Variants in STAG1 observed in about 807,000 individuals in gnomAD.
STAG1 encodes the protein STAG1 cohesin complex component.
Under a neutral mutation model 170.9 loss-of-function variants are expected in STAG1, and 26 were observed. The observed-to-expected ratio is 0.15, with a 90% CI of 0.11 to 0.21. STAG1 has a LOEUF of 0.21. Ranked by LOEUF, STAG1 falls within the 10% of genes least tolerant of loss-of-function variation. The pLI is 1.00. For synonymous variants in STAG1, 514 were observed against 497.7 expected (o/e 1.03, Z -0.44); for missense variants, 964 against 1,509.5 (o/e 0.64, Z 5.99).
At chr3:136,373,451 T>C (rs948752147) in intron 23 of STAG1, among the ~76,000 whole-genome samples, 1 of 152,216 alleles carries the variant, frequency 6.6e-6, no homozygotes, top group African/African-American at 2.4e-5. Context: ...ACGGTGTCAA[T>C]TTTAGATCTT....
intron 15 of STAG1, 122 bp from the exon 16 acceptor site, chr3:136,433,781 T>C: frequency 1.4e-6 from 1 of 696,086 alleles, no homozygotes; most frequent in Non-Finnish European, 2.4e-6. Flanking sequence ...AAGACTAAAG[T>C]TAAGCTCTGT....
At chr3:136,652,849 G>T (rs6439649) in intron 1 of STAG1, among the ~76,000 whole-genome samples, 97,252 of 152,070 alleles carry the variant, frequency 0.64, 33,655 homozygotes, top group African/African-American at 0.9. Flanking sequence ...AGATAAACTA[G>T]TTGTTGTGGA....
chr3:136,469,715 G>C (rs557583488), intron 12 of STAG1, among the ~76,000 whole-genome samples: 82 of 152,092 alleles, frequency 5.4e-4, no homozygotes, highest in African/African-American at 1.9e-3. Context: ...GGAGGCATCA[G>C]GCTATCTGAC....
At chr3:136,367,343 C>A (rs1937112875) in intron 24 of STAG1, among the ~76,000 whole-genome samples, 1 of 151,922 alleles carries the variant, frequency 6.6e-6, no homozygotes, top group South Asian at 2.1e-4. Flanking sequence ...GATAAGCAAA[C>A]CATGTATAGT....
chr3:136,338,982 T>C (rs911690179), intron 32 of STAG1, among the ~76,000 whole-genome samples: 1 of 152,160 alleles, frequency 6.6e-6, no homozygotes, highest in African/African-American at 2.4e-5. Context: ...AAAATGTGCA[T>C]GATGCTGAAG....
chr3:136,709,272 A>G (rs1291076305), intron 1 of STAG1, among the ~76,000 whole-genome samples: 3 of 150,344 alleles, frequency 2.0e-5, no homozygotes, highest in Non-Finnish European at 4.4e-5. Context: ...CCTGGGCGAC[A>G]GAGCGAGACT....
chr3:136,560,945 A>AT lies in STAG1; in HGVS notation c.394+7819dup, dbSNP rs970513795. 2.8e-3 allele frequency among the ~76,000 whole-genome samples: 408 copies of AT among 147,472 alleles called. 2 individuals carry two copies. The highest frequency in any genetic ancestry group is 8.7e-3 in the African/African-American group (350 of 40,378). On this transcript the variant is annotated intron_variant, in intron 5 of 33. Transcript: ENST00000383202. ...TTGGGTGGGGACGGGGCGAATTGTG[A>AT]TTTTTTTTTTTCCTGCCTTTCCTTG...
At chr3:136,396,683 A>G (rs1259581723) in intron 22 of STAG1, among the ~76,000 whole-genome samples, 1 of 149,874 alleles carries the variant, frequency 6.7e-6, no homozygotes, top group Non-Finnish European at 1.5e-5. Flanking sequence ...GCCTGCCACC[A>G]CACCCAGCTA....
At chr3:136,374,928 T>G (rs1339309966) in intron 23 of STAG1, among the ~76,000 whole-genome samples, 9 of 152,146 alleles carry the variant, frequency 5.9e-5, no homozygotes. Flanking sequence ...TTTTTAAATC[T>G]TTTATACTGT....
chr3:136,639,563 A>G (rs1333682903), intron 1 of STAG1, among the ~76,000 whole-genome samples: 2 of 152,256 alleles, frequency 1.3e-5, no homozygotes, highest in Admixed American at 1.3e-4. Context: ...AACAATAAAA[A>G]TATTCCAAAA....
intron 1 of STAG1, chr3:136,736,668 A>G (rs1333360717): frequency 6.2e-7 from 1 of 1,604,420 alleles, no homozygotes; most frequent in East Asian, 2.2e-5. Flanking sequence ...TTGAGCTTCA[A>G]TCTCTTCTCC....
At chr3:136,551,485 G>GC (rs1936402147) in intron 5 of STAG1, among the ~76,000 whole-genome samples, 2 of 122,342 alleles carry the variant, frequency 1.6e-5, no homozygotes, top group African/African-American at 6.4e-5. Context: ...TCTCTGTGTT[G>GC]CCCAGGCTAC....
intron 22 of STAG1, among the ~76,000 whole-genome samples, chr3:136,394,932 CT>C (rs2087109375): frequency 7.5e-6 from 1 of 133,722 alleles, no homozygotes; most frequent in Admixed American, 8.1e-5. Context: ...TAGCGAGACT[CT>C]GTCTCAAAAA....
At chr3:136,711,837 CA>C (rs1943389638) in intron 1 of STAG1, among the ~76,000 whole-genome samples, 1 of 152,018 alleles carries the variant, frequency 6.6e-6, no homozygotes, top group East Asian at 1.9e-4. Context: ...ACTACACACA[CA>C]CAAAAATCTA....
chr3:136,497,578 T>C (rs1933180612), intron 9 of STAG1, among the ~76,000 whole-genome samples: 1 of 152,116 alleles, frequency 6.6e-6, no homozygotes, highest in Non-Finnish European at 1.5e-5. Context: ...CGATGGCTCA[T>C]GCCTGTAACC....
chr3:136,421,140 G>A lies in STAG1; in HGVS notation c.2061C>T (p.Asp687=), dbSNP rs1559790969. 1.2e-6 allele frequency: 2 copies of A among 1,607,632 alleles called. No individual in the cohort carries two copies. The highest frequency in any genetic ancestry group is 2.2e-5 in the South Asian group (2 of 89,950). The change falls in exon 20 of 34, where the codon GAC becomes GAT. Residue 687 remains aspartate (D), a synonymous_variant. Transcript: ENST00000383202. ...TTAATGTAGAAAGAACATTGTAAAT[G>A]TCATCATCATCAGCTTCTTCTCCCT... ...LQEGEEADDD[D]IYNVLSTLKR... is the part of the protein sequence containing the mutation.
intron 27 of STAG1, 31 bp downstream of exon 27, chr3:136,359,117 T>A: frequency 6.5e-7 from 1 of 1,540,434 alleles, no homozygotes; most frequent in Non-Finnish European, 8.8e-7. Context: ...GTAAATCAGA[T>A]TCTGCATAAC....
chr3:136,401,810 C>T (rs1219518111), intron 21 of STAG1, among the ~76,000 whole-genome samples: 1 of 152,160 alleles, frequency 6.6e-6, no homozygotes, highest in Non-Finnish European at 1.5e-5. Flanking sequence ...TCAAGTCTTG[C>T]TCTGTCGCCC....
chr3:136,346,585 T>C (rs1374792679), intron 29 of STAG1, among the ~76,000 whole-genome samples: 2 of 152,252 alleles, frequency 1.3e-5, no homozygotes, highest in African/African-American at 2.4e-5. Flanking sequence ...ACATTATGGA[T>C]AGTTAAAATC....
Sources: gnomAD v4.1 joint callset for allele counts (sites outside exome capture counted in the v4.1 genomes callset) on GRCh38, gnomAD v4.1.1 for gene constraint, MANE v1.5 for transcripts, NCBI Gene and HGNC (gene_info 2026-07-23, HGNC 2026-07-21) for gene names.